Variants in BTBD2 observed in about 807,000 individuals in gnomAD.
BTBD2 encodes BTB/POZ domain-containing protein 2.
Under a neutral mutation model 44.0 loss-of-function variants are expected in BTBD2, and 15 were observed. The observed-to-expected ratio is 0.34, with a 90% CI of 0.23 to 0.53. The LOEUF is 0.53. Among genes scored for constraint, BTBD2 ranks in the 20% least tolerant of loss-of-function variants. BTBD2 has a pLI of 0.95. For missense variants in BTBD2, 657 were observed against 746.4 expected (o/e 0.88, Z 1.39); for synonymous variants, 443 against 335.9 (o/e 1.32, Z -3.49).
At chr19:1,987,477 C>T (rs769050084) in intron 6 of BTBD2, 23 bp downstream of exon 6, 7 of 1,539,754 alleles carry the variant, frequency 4.5e-6, no homozygotes, top group Non-Finnish European at 6.1e-6. Flanking sequence ...TCCGGACCCC[C>T]CCGCCTGCAC....
At chr19:2,010,589 G>A (rs751069685) in intron 1 of BTBD2, among the ~76,000 whole-genome samples, 15 of 151,460 alleles carry the variant, frequency 9.9e-5, no homozygotes, top group Non-Finnish European at 1.9e-4. Context: ...TCTGCTCATC[G>A]GTGAACTCCA....
intron 3 of BTBD2, among the ~76,000 whole-genome samples, chr19:1,991,565 G>T (rs45520232): frequency 6.6e-6 from 1 of 152,156 alleles, no homozygotes; most frequent in African/African-American, 2.4e-5. Context: ...CAGATGACCC[G>T]GACAAGAAAC....
At position 1,992,938 on chromosome 19, in the gene BTBD2, C is replaced by T. The variant is rs1009899279; in HGVS notation, c.684+82G>A. The T allele has an allele frequency of 7.9e-6, 7 of 885,182 alleles. No homozygotes were observed. In the African/African-American group the frequency reaches 1.3e-4, roughly 16 times the overall value. 54.8% of individuals were successfully genotyped at this position (885,182 alleles called of 1,614,324 possible). A position where few individuals can be genotyped will look rare whatever the true frequency, so the allele number is the denominator to read the frequency against. On this transcript the variant is annotated intron_variant, in intron 3 of 8. Transcript: ENST00000255608. ...GGGCCCGCCCCCGGCCCCGCCTCCGCCTCCAGCCTCGGTCCGCCCCACCCC... is the reference window on the plus strand; with the variant it reads ...GGGCCCGCCCCCGGCCCCGCCTCCGTCTCCAGCCTCGGTCCGCCCCACCCC...
chr19:2,006,506 C>CAAAA (rs549277311), intron 1 of BTBD2, among the ~76,000 whole-genome samples: 14 of 111,376 alleles, frequency 1.3e-4, no homozygotes, highest in African/African-American at 4.6e-4. Context: ...GACTCCGTCT[C>CAAAA]AAAAAAAAAA....
intron 1 of BTBD2, among the ~76,000 whole-genome samples, chr19:1,998,473 C>G (rs796392998): frequency 1.4e-4 from 22 of 152,306 alleles, no homozygotes; most frequent in African/African-American, 5.3e-4. Context: ...GCTGGGAAAG[C>G]GGTGGCTGTG....
chr19:1,985,713 C>G lies in BTBD2; in HGVS notation c.*775G>C, dbSNP rs1010463869. The G allele has an allele frequency of 3.3e-5, 5 of 152,508 alleles. No individual in the cohort carries two copies. Among genetic ancestry groups the G allele is most frequent in the African/African-American group, 1.2e-4 (5 of 41,466 alleles). 9.4% of individuals were successfully genotyped at this position (152,508 alleles called of 1,614,324 possible). ...GGTCGGGGCCGGCTGGGGCCCCATT[C>G]TGCGGCAGGGGAGCTCTGGGGCACA... is the stretch of plus-strand genomic sequence containing the variant. On this transcript the variant is annotated 3_prime_UTR_variant, in exon 9 of 9. Coordinates refer to ENST00000255608, the MANE Select transcript of BTBD2 (RefSeq NM_017797.4).
chr19:1,987,380 C>T (rs2016103891), intron 6 of BTBD2, 120 bp downstream of exon 6: 3 of 1,269,570 alleles, frequency 2.4e-6, no homozygotes, highest in South Asian at 2.8e-5. Context: ...TGCCCGGCGG[C>T]CCCCCCGCCG....
At chr19:2,001,111 CT>C (rs2016324431) in intron 1 of BTBD2, among the ~76,000 whole-genome samples, 1 of 152,102 alleles carries the variant, frequency 6.6e-6, no homozygotes, top group South Asian at 2.1e-4. Flanking sequence ...TGGTGAAACC[CT>C]GTCTCTATGA....
In BTBD2 at chr19:1,987,595, C is replaced by T. The variant is rs1429874467; in HGVS notation, c.1086G>A (p.Arg362=). Residue 362 remains arginine, a synonymous_variant, in exon 6 of 9, where the codon CGG becomes CGA. Coordinates refer to ENST00000255608, the MANE Select transcript of BTBD2 (RefSeq NM_017797.4). ...NPKPRVEFID[R]PRCCLRGKEC... is the part of the protein sequence containing the mutation. ...CCTTCCCACGCAGGCAGCAGCGGGGCCGGTCAATGAACTCCACTCGTGGCT... is the reference window on the plus strand; with the variant it reads ...CCTTCCCACGCAGGCAGCAGCGGGGTCGGTCAATGAACTCCACTCGTGGCT... 4.3e-6 allele frequency: 7 copies of T among 1,612,710 alleles called. No homozygotes were observed. The South Asian group carries it at 7.7e-5, about 18-fold the overall frequency.
At position 1,997,405 on chromosome 19, in the gene BTBD2, T is replaced by C. The variant is rs1282360635; in HGVS notation, c.466A>G (p.Thr156Ala). 6.2e-7 allele frequency: 1 copy of C among 1,614,172 alleles called. No homozygotes were observed. Among genetic ancestry groups the C allele is most frequent in the East Asian group, 2.2e-5 (1 of 44,886 alleles). ...GGCAGCTCAATCTCCGTGGATGTTG[T>C]GGCCATTCCCCCGTTGAACATGGCA... Reference protein sequence around the residue: ...FDAMFNGGMATTSTEIELPDV... With the variant: ...FDAMFNGGMAATSTEIELPDV... The change falls in exon 2 of 9, where the codon ACA (threonine) becomes GCA (alanine). Residue 156 changes from threonine to alanine, a missense_variant. Thr to Ala is a moderately conservative substitution (Grantham distance 58). Transcript: ENST00000255608.
At chr19:1,989,632 C>T (rs901829830) in intron 5 of BTBD2, 25 of 310,172 alleles carry the variant, frequency 8.1e-5, no homozygotes, top group Admixed American at 3.2e-4. Flanking sequence ...AAGGCCCACT[C>T]GGGCGCATGA....
In BTBD2 at chr19:1,993,045, T is replaced by C. The variant is rs1763131759; in HGVS notation, c.659A>G (p.Asp220Gly). Residue 220 changes from aspartate (D) to glycine (G), a missense_variant, in exon 3 of 9, where the codon GAC becomes GGC. Asp to Gly is a moderately conservative substitution (Grantham distance 94). This residue lies in a region of BTBD2 where 449 missense variants were observed against 510.9 expected (regional missense o/e 0.88). Transcript: ENST00000255608. ...CTGCGTGAGCAGCATGAAGGCGTTG[T>C]CGGCTCGCAGGTTCTTCTTCAGGAA... Reference protein sequence around the residue: ...VEFLKKNLRADNAFMLLTQAR... With the variant: ...VEFLKKNLRAGNAFMLLTQAR... 1 of 1,597,734 alleles carries C rather than the reference T, an allele frequency of 6.3e-7. No homozygotes were observed. The highest frequency in any genetic ancestry group is 8.5e-7 in the Non-Finnish European group (1 of 1,176,054).
Position 2,015,605 on chromosome 19 carries a change from G to C in BTBD2, c.99C>G (p.Ala33=), listed in dbSNP as rs2016526127. ...CCGCGTTGCCGGGGGCCGGGGTGGCGGCGGCGTTGGCGCTGGGCCCGGGAC... is the reference window on the plus strand; with the variant it reads ...CCGCGTTGCCGGGGGCCGGGGTGGCCGCGGCGTTGGCGCTGGGCCCGGGAC... The part of the protein sequence containing the change: ...GGSPGPSANA[A]ATPAPGNAAA... Residue 33 remains alanine (A), a synonymous_variant, in exon 1 of 9, where the codon GCC becomes GCG. Coordinates refer to ENST00000255608, the MANE Select transcript of BTBD2 (RefSeq NM_017797.4). The C allele has an allele frequency of 1.0e-6, 1 of 972,866 alleles. No homozygotes were observed. Among genetic ancestry groups the C allele is most frequent in the Non-Finnish European group, 1.2e-6 (1 of 824,730 alleles). The allele number at this position is 972,866 out of a possible 1,614,324, so 60.3% of individuals were successfully genotyped here.
intron 1 of BTBD2, among the ~76,000 whole-genome samples, chr19:2,004,671 T>A (rs1039265819): frequency 7.1e-6 from 1 of 140,386 alleles, no homozygotes; most frequent in Non-Finnish European, 1.6e-5. Flanking sequence ...CCTTCATATA[T>A]ACCCCCTGAG....
chr19:2,015,150 A>T, intron 1 of BTBD2, 147 bp downstream of exon 1: 1 of 1,126,454 alleles, frequency 8.9e-7, no homozygotes, highest in Non-Finnish European at 1.1e-6. Context: ...GCAGGGGTGC[A>T]GGGGTCCCGG....
chr19:1,986,769 C>A, intron 8 of BTBD2, 61 bp downstream of exon 8: 1 of 1,571,102 alleles, frequency 6.4e-7, no homozygotes, highest in Non-Finnish European at 8.6e-7. Flanking sequence ...GTGCTGTGCC[C>A]CGGTGGCTTC....
chr19:1,987,187 G>A lies in BTBD2; in HGVS notation c.1248C>T (p.Thr416=), dbSNP rs774869555. ...GTACCTGGATGTTCACTTGGTAGTC[G>A]GTGGGCCCGTGGATGGATCCATACA... The part of the protein sequence containing the change: ...FGLYGSIHGP[T]DYQVNIQIIH... Residue 416 remains threonine (T), a synonymous_variant, in exon 7 of 9, where the codon ACC becomes ACT. Coordinates refer to ENST00000255608, the MANE Select transcript of BTBD2 (RefSeq NM_017797.4). 1.4e-5 allele frequency: 22 copies of A among 1,613,780 alleles called. No homozygotes were observed. Among genetic ancestry groups the A allele is most frequent in the Non-Finnish European group, 1.8e-5 (21 of 1,179,824 alleles).
intron 1 of BTBD2, among the ~76,000 whole-genome samples, chr19:2,004,125 C>G (rs959346094): frequency 6.6e-6 from 1 of 151,910 alleles, no homozygotes; most frequent in Non-Finnish European, 1.5e-5. Flanking sequence ...GAGTTTCCCC[C>G]CTTTCTGGAC....
chr19:1,987,006 G>A (rs2016095513), intron 7 of BTBD2, 30 bp from the exon 8 acceptor site: 1 of 1,602,806 alleles, frequency 6.2e-7, no homozygotes, highest in Non-Finnish European at 8.5e-7. Context: ...GGGAGGCTCA[G>A]GCCTGGGGAG....
Sources: allele counts gnomAD v4.1 joint callset (sites outside exome capture counted in the v4.1 genomes callset), GRCh38; gene constraint gnomAD v4.1.1; regional missense constraint gnomAD v4.1.1; transcripts MANE v1.5; gene names NCBI Gene and HGNC (gene_info 2026-07-23, HGNC 2026-07-21).